Variants in HHLA1 observed in about 807,000 individuals in gnomAD.
The protein encoded by HHLA1 is HHLA1 neighbor of OC90.
A neutral mutation model predicts 69.9 loss-of-function variants in HHLA1; 72 were observed. That is an observed-to-expected ratio of 1.03 (90% CI 0.85 to 1.25). The LOEUF is 1.25. HHLA1 is among the 50% of genes most tolerant of loss of function. HHLA1 has a pLI of 0.00. For missense variants in HHLA1, 685 were observed against 642.2 expected (o/e 1.07, Z -0.72); for synonymous variants, 252 against 233.2 (o/e 1.08, Z -0.73).
chr8:132,084,597 G>A (rs766071522), intron 10 of HHLA1, among the ~76,000 whole-genome samples: 78 of 152,232 alleles, frequency 5.1e-4, no homozygotes, highest in Middle Eastern at 6.8e-3. Context: ...GGGGTCAAGC[G>A]GCATTGCAGA....
intron 10 of HHLA1, 51 bp from the exon 11 acceptor site, chr8:132,080,017 T>C: frequency 6.4e-7 from 1 of 1,550,756 alleles, no homozygotes; most frequent in Admixed American, 2.0e-5. Flanking sequence ...ACTTTGGGCA[T>C]AAAAAAACTG....
At chr8:132,077,295 A>C (rs1432477777) in intron 12 of HHLA1, among the ~76,000 whole-genome samples, 1 of 152,146 alleles carries the variant, frequency 6.6e-6, no homozygotes, top group Non-Finnish European at 1.5e-5. Flanking sequence ...TGCATACATA[A>C]AGATCAGGAG....
intron 10 of HHLA1, among the ~76,000 whole-genome samples, chr8:132,083,643 G>A (rs1167568590): frequency 6.6e-6 from 1 of 152,168 alleles, no homozygotes; most frequent in East Asian, 1.9e-4. Context: ...CGCGGCTTAG[G>A]AGGAATCCCA....
In HHLA1 at chr8:132,105,374, C is replaced by T; in HGVS notation, c.-21-88G>A. 7 of 854,040 alleles carry T rather than the reference C, an allele frequency of 8.2e-6. No homozygotes were observed. In the South Asian group the frequency reaches 1.0e-4, roughly 13 times the overall value. 52.9% of individuals were successfully genotyped at this position (854,040 alleles called of 1,614,324 possible). On this transcript the variant is annotated intron_variant, in intron 1 of 16. Coordinates refer to ENST00000414222, the MANE Select transcript of HHLA1 (RefSeq NM_001145095.3). Reference sequence around the variant, plus strand: ...ACAGTGCGTGAGGAATCATTAAAATCACAATCTGAAAAAGGCTTTGTACTA... The same window carrying T: ...ACAGTGCGTGAGGAATCATTAAAATTACAATCTGAAAAAGGCTTTGTACTA...
Position 132,087,891 on chromosome 8 carries a change from G to C in HHLA1, c.543C>G (p.Ser181Arg). 8 of 1,551,006 alleles carry C rather than the reference G, an allele frequency of 5.2e-6. No individual in the cohort carries two copies. Among genetic ancestry groups the C allele is most frequent in the South Asian group, 2.4e-5 (2 of 84,040 alleles). The change falls in exon 9 of 17, where the codon AGC (serine) becomes AGG (arginine). Residue 181 changes from serine (S) to arginine (R), a missense_variant. Ser to Arg is a moderately radical substitution (Grantham distance 110). Transcript: ENST00000414222. ...AGATGAAGATGCAATCTGATTCATT[G>C]CTTTGATTCACTGTAAGACAAACGA... ...KSTSILSVNQ[S>R]NESDCIFICV...
At chr8:132,103,618 AAAATAAAT>A (rs144841392) in intron 3 of HHLA1, among the ~76,000 whole-genome samples, 11,234 of 151,648 alleles carry the variant, frequency 0.074, 628 homozygotes, top group East Asian at 0.29. Context: ...ACCCCATCTC[AAAATAAAT>A]AAATAAATAA....
intron 8 of HHLA1, among the ~76,000 whole-genome samples, chr8:132,088,196 T>G (rs1043351072): frequency 6.6e-6 from 1 of 152,172 alleles, no homozygotes; most frequent in Non-Finnish European, 1.5e-5. Flanking sequence ...TCTTCAGGAC[T>G]CAGTTTGCCC....
chr8:132,082,333 G>C (rs1019776206), intron 10 of HHLA1, among the ~76,000 whole-genome samples: 1 of 152,208 alleles, frequency 6.6e-6, no homozygotes, highest in Non-Finnish European at 1.5e-5. Flanking sequence ...GCAGACATGA[G>C]GGCTAGGCTA....
chr8:132,110,282 A>C (rs956160697), intron 1 of HHLA1, among the ~76,000 whole-genome samples: 4 of 152,178 alleles, frequency 2.6e-5, no homozygotes, highest in African/African-American at 7.2e-5. Context: ...GTAACCTTCC[A>C]TATAGATATC....
intron 13 of HHLA1, 116 bp from the exon 14 acceptor site, chr8:132,076,245 A>G: frequency 1.2e-6 from 1 of 850,824 alleles, no homozygotes; most frequent in Non-Finnish European, 1.8e-6. Flanking sequence ...CTATAGGAAA[A>G]TGATAGCCAA....
At chr8:132,084,604 C>A (rs1352495230) in intron 10 of HHLA1, among the ~76,000 whole-genome samples, 2 of 152,116 alleles carry the variant, frequency 1.3e-5, no homozygotes, top group East Asian at 3.9e-4. Context: ...AGCGGCATTG[C>A]AGAAGAAAAT....
intron 16 of HHLA1, among the ~76,000 whole-genome samples, chr8:132,064,684 T>C (rs1823406464): frequency 6.6e-6 from 1 of 151,780 alleles, no homozygotes; most frequent in Admixed American, 6.6e-5. Context: ...GCAGAAGAGG[T>C]AAATGGAAAC....
At chr8:132,107,862 T>C (rs1057260470) in intron 1 of HHLA1, among the ~76,000 whole-genome samples, 1 of 151,784 alleles carries the variant, frequency 6.6e-6, no homozygotes, top group African/African-American at 2.4e-5. Flanking sequence ...AAAGGAACAC[T>C]TCAGACTGGC....
intron 14 of HHLA1, among the ~76,000 whole-genome samples, chr8:132,075,098 G>A (rs1320973230): frequency 6.6e-6 from 1 of 152,190 alleles, no homozygotes; most frequent in African/African-American, 2.4e-5. Context: ...AGAACTCCTG[G>A]GAGAAAAGGG....
intron 16 of HHLA1, among the ~76,000 whole-genome samples, chr8:132,064,289 C>T (rs1300854371): frequency 1.3e-5 from 2 of 152,334 alleles, no homozygotes; most frequent in South Asian, 2.1e-4. Flanking sequence ...CTGCCCAATG[C>T]TCTTTTCCAA....
chr8:132,075,539 G>T lies in HHLA1; in HGVS notation c.1315+516C>A, dbSNP rs920183867. On this transcript the variant is annotated intron_variant, in intron 14 of 16. Coordinates refer to ENST00000414222, the MANE Select transcript of HHLA1 (RefSeq NM_001145095.3). ...AGATCCATGAGAATTAACTGTGCAG[G>T]GATGGAAAGGGTAGGTATCCCTTAA... Among the ~76,000 whole-genome samples the T allele has an allele frequency of 1.1e-4, 17 of 152,196 alleles. 1 individual carries two copies. The highest frequency in any genetic ancestry group is 7.3e-5 in the Non-Finnish European group (5 of 68,042).
rs1275123037 is a variant in HHLA1 at position 132,077,870 on chromosome 8, GT to G, written c.1026del (p.Lys342AsnfsTer23). 20 of 1,551,392 alleles carry G rather than the reference GT, an allele frequency of 1.3e-5. No individual in the cohort carries two copies. The highest frequency in any genetic ancestry group is 1.5e-5 in the Non-Finnish European group (17 of 1,146,966). On this transcript the variant is annotated frameshift_variant, in exon 12 of 17. Coordinates refer to ENST00000414222, the MANE Select transcript of HHLA1 (RefSeq NM_001145095.3). LOFTEE classifies it high-confidence loss of function. ...VPWAQTISEKKPGGSLWETRS... is the reference protein window; with the variant it reads ...VPWAQTISEKXPGGSLWETRS... Reference sequence around the variant, plus strand: ...CGAGTTTCCCAGAGAGACCCTCCAGGTTTTTTCTCACTGATGGTCTGAGCCC... The same window carrying G: ...CGAGTTTCCCAGAGAGACCCTCCAGGTTTTTCTCACTGATGGTCTGAGCCC...
intron 14 of HHLA1, among the ~76,000 whole-genome samples, chr8:132,074,553 A>G (rs972495371): frequency 2.0e-5 from 3 of 152,204 alleles, no homozygotes; most frequent in African/African-American, 7.2e-5. Context: ...AGCCCAATAA[A>G]TATTTATTAA....
At chr8:132,074,992 T>C (rs562614786) in intron 14 of HHLA1, among the ~76,000 whole-genome samples, 1 of 152,222 alleles carries the variant, frequency 6.6e-6, no homozygotes, top group Non-Finnish European at 1.5e-5. Flanking sequence ...TAGATATGGA[T>C]ATAGACACCA....
Sources: allele counts gnomAD v4.1 joint callset (sites outside exome capture counted in the v4.1 genomes callset), GRCh38; gene constraint gnomAD v4.1.1; transcripts MANE v1.5; gene names NCBI Gene and HGNC (gene_info 2026-07-23, HGNC 2026-07-21).